DTWD2: variants seen among roughly 807,000 people sequenced by gnomAD.
DTWD2 encodes the protein tRNA-uridine aminocarboxypropyltransferase 2.
Under a neutral mutation model 31.8 loss-of-function variants are expected in DTWD2, and 39 were observed. That is an observed-to-expected ratio of 1.22 (90% CI 0.95 to 1.60). The LOEUF (loss-of-function observed/expected upper bound fraction) is 1.60. Ranked by LOEUF, DTWD2 falls within the 40% of genes most tolerant of loss-of-function variation. The probability of loss-of-function intolerance (pLI) is 0.00; values close to 1 mark genes in which losing one functional copy is unlikely to be tolerated. For missense variants in DTWD2, 515 were observed against 381.5 expected (o/e 1.35, Z -2.92); for synonymous variants, 180 against 142.8 (o/e 1.26, Z -1.86).
At position 118,836,739 on chromosome 5, in the gene DTWD2, A is replaced by G. The variant is rs1580755730; in HGVS notation, c.*4178T>C. Among the ~76,000 whole-genome samples, 1 of 152,138 alleles carries G rather than the reference A, an allele frequency of 6.6e-6. No homozygotes were observed. Among genetic ancestry groups the G allele is most frequent in the South Asian group, 2.1e-4 (1 of 4,820 alleles). On this transcript the variant is annotated 3_prime_UTR_variant, in exon 6 of 6. Coordinates refer to ENST00000510708, the MANE Select transcript of DTWD2 (RefSeq NM_173666.4). ...ATAAGGGTCTCAGAGAGCTAGCTCG[A>G]CCCTTCCACTAGGTGAAGACACAGC...
chr5:118,850,269 G>C (rs2112678277), intron 4 of DTWD2, among the ~76,000 whole-genome samples: 1 of 141,334 alleles, frequency 7.1e-6, no homozygotes, highest in East Asian at 2.1e-4. Flanking sequence ...TTTGAGACCA[G>C]CATGGCTCAC....
intron 1 of DTWD2, chr5:118,988,039 C>A: frequency 1.4e-6 from 1 of 700,718 alleles, no homozygotes; most frequent in Non-Finnish European, 2.6e-6. Context: ...TTCTTGGAAA[C>A]AGAACTGATG....
intron 1 of DTWD2, among the ~76,000 whole-genome samples, chr5:118,958,501 C>A (rs1754638806): frequency 6.7e-6 from 1 of 149,488 alleles, no homozygotes; most frequent in African/African-American, 2.5e-5. Flanking sequence ...AGACCACTGG[C>A]TAGACTAATA....
chr5:118,947,366 A>C (rs1354370913), intron 1 of DTWD2, among the ~76,000 whole-genome samples: 3 of 152,198 alleles, frequency 2.0e-5, no homozygotes, highest in East Asian at 1.9e-4. Context: ...ATTGCCGATG[A>C]AAGTGGCTCT....
chr5:118,906,374 G>A (rs182962355), intron 4 of DTWD2, among the ~76,000 whole-genome samples: 5 of 152,154 alleles, frequency 3.3e-5, no homozygotes, highest in East Asian at 1.9e-4. Flanking sequence ...GAAAGCATGC[G>A]TCCACACAAA....
At chr5:118,980,789 T>C (rs1419492175) in intron 1 of DTWD2, among the ~76,000 whole-genome samples, 1 of 152,208 alleles carries the variant, frequency 6.6e-6, no homozygotes, top group Non-Finnish European at 1.5e-5. Flanking sequence ...GACCCAGCTA[T>C]TCCACTCCTA....
At chr5:118,855,660 T>C (rs150926995) in intron 4 of DTWD2, among the ~76,000 whole-genome samples, 2 of 152,316 alleles carry the variant, frequency 1.3e-5, no homozygotes, top group Non-Finnish European at 2.9e-5. Context: ...GACAGCTTAA[T>C]AGGATAGCAT....
chr5:118,853,602 G>A (rs751001763), intron 4 of DTWD2, among the ~76,000 whole-genome samples: 3 of 152,096 alleles, frequency 2.0e-5, no homozygotes, highest in South Asian at 4.1e-4. Flanking sequence ...TTGCAGCAAC[G>A]TGATGCTGCT....
intron 4 of DTWD2, among the ~76,000 whole-genome samples, chr5:118,909,932 T>C (rs932688417): frequency 6.6e-5 from 10 of 152,160 alleles, no homozygotes; most frequent in South Asian, 2.1e-4. Context: ...CTCCTGCACA[T>C]AAGATATTCA....
intron 4 of DTWD2, among the ~76,000 whole-genome samples, chr5:118,853,649 G>A (rs896517764): frequency 2.6e-5 from 4 of 152,246 alleles, no homozygotes; most frequent in East Asian, 1.9e-4. Flanking sequence ...TACAGAAAAC[G>A]AAAATCAAAT....
At chr5:118,939,507 AG>A (rs1754132741) in intron 2 of DTWD2, among the ~76,000 whole-genome samples, 1 of 152,206 alleles carries the variant, frequency 6.6e-6, no homozygotes, top group Non-Finnish European at 1.5e-5. Context: ...TATGTTTTAC[AG>A]GTTTACTGAT....
At chr5:118,936,870 A>G (rs1290440808) in intron 3 of DTWD2, among the ~76,000 whole-genome samples, 1 of 152,138 alleles carries the variant, frequency 6.6e-6, no homozygotes, top group Non-Finnish European at 1.5e-5. Context: ...GAAAAGACAC[A>G]AATTACCTAA....
At position 118,953,541 on chromosome 5, in the gene DTWD2, A is replaced by T. The variant is rs1316943007; in HGVS notation, c.219-8892T>A. 4.6e-5 allele frequency among the ~76,000 whole-genome samples: 7 copies of T among 152,200 alleles called. No individual in the cohort carries two copies. The East Asian group carries it at 1.3e-3, about 29-fold the overall frequency. ...AACACTGTATGTGATTTAAATGACA[A>T]CTGACTGGTAGATTGCATATGGACT... On this transcript the variant is annotated intron_variant, in intron 1 of 5. Transcript: ENST00000510708.
chr5:118,887,105 G>A (rs1021260929), intron 4 of DTWD2, among the ~76,000 whole-genome samples: 2 of 152,178 alleles, frequency 1.3e-5, no homozygotes, highest in African/African-American at 4.8e-5. Context: ...GGTTTGGGTG[G>A]CTAGAAACTA....
At chr5:118,846,928 A>G (rs1178015916) in intron 5 of DTWD2, among the ~76,000 whole-genome samples, 3 of 75,114 alleles carry the variant, frequency 4.0e-5, no homozygotes, top group South Asian at 3.8e-4. Flanking sequence ...AGGCACACAC[A>G]CACACACACA....
intron 4 of DTWD2, among the ~76,000 whole-genome samples, chr5:118,894,724 A>T (rs1471375716): frequency 6.6e-6 from 1 of 152,246 alleles, no homozygotes; most frequent in African/African-American, 2.4e-5. Flanking sequence ...ACATATGCAA[A>T]TCAATAAACA....
intron 3 of DTWD2, among the ~76,000 whole-genome samples, chr5:118,935,977 C>G (rs968976099): frequency 6.6e-6 from 1 of 152,094 alleles, no homozygotes; most frequent in Non-Finnish European, 1.5e-5. Context: ...TACCAAAAGA[C>G]AGATCACATG....
intron 4 of DTWD2, among the ~76,000 whole-genome samples, chr5:118,919,355 T>A (rs1396319665): frequency 6.6e-6 from 1 of 152,216 alleles, no homozygotes. Context: ...AAACGGTCTC[T>A]AGGTTTTTAA....
intron 5 of DTWD2, among the ~76,000 whole-genome samples, chr5:118,843,354 G>GGAGGAAGA (rs759318680): frequency 8.9e-6 from 1 of 111,950 alleles, no homozygotes; most frequent in Non-Finnish European, 1.7e-5. Flanking sequence ...AGGCAGGGAG[G>GGAGGAAGA]GAGGAAGGGA....
Sources: gnomAD v4.1 joint callset for allele counts (sites outside exome capture counted in the v4.1 genomes callset) on GRCh38, gnomAD v4.1.1 for gene constraint, MANE v1.5 for transcripts, NCBI Gene and HGNC (gene_info 2026-07-23, HGNC 2026-07-21) for gene names.